ADAMTSL1: variants seen among roughly 807,000 people sequenced by gnomAD.
ADAMTSL1 encodes the protein ADAMTS-like protein 1.
In ADAMTSL1, 126 loss-of-function variants were observed where a neutral mutation model predicts 201.8. That is an observed-to-expected ratio of 0.62 (90% CI 0.54 to 0.72). The LOEUF (loss-of-function observed/expected upper bound fraction) is 0.72, where lower values mean the gene tolerates loss of function less well. Ranked by LOEUF, ADAMTSL1 falls within the 30% of genes least tolerant of loss-of-function variation. The probability of loss-of-function intolerance (pLI) is 0.00; values close to 1 mark genes in which losing one functional copy is unlikely to be tolerated. For missense variants in ADAMTSL1, 2,679 were observed against 2,277.8 expected (o/e 1.18, Z -3.59); for synonymous variants, 1,121 against 903.4 (o/e 1.24, Z -4.32).
chr9:17,977,621 A>G (rs1307593842), intron 1 of ADAMTSL1, among the ~76,000 whole-genome samples: 10 of 151,850 alleles, frequency 6.6e-5, no homozygotes, highest in African/African-American at 2.2e-4. Flanking sequence ...GATTCTTTGT[A>G]TTTTTATGAT....
intron 2 of ADAMTSL1, among the ~76,000 whole-genome samples, chr9:18,431,626 C>T (rs925402715): frequency 2.0e-5 from 3 of 152,080 alleles, no homozygotes; most frequent in African/African-American, 7.2e-5. Flanking sequence ...AGATGGTCAC[C>T]CAGCCTCTGC....
In ADAMTSL1 at chr9:18,893,336, C is replaced by CA. The variant is rs545466083; in HGVS notation, c.4851+742dup. Among the ~76,000 whole-genome samples the CA allele has an allele frequency of 3.8e-3, 573 of 152,248 alleles. 8 individuals are homozygous for CA. The highest frequency in any genetic ancestry group is 0.013 in the African/African-American group (540 of 41,544). Reference sequence around the variant, plus strand: ...GACAGATGTTTCTGCACTGTGTCATCAAGGTCACTCAAGGAGGGACGTATG... The same window carrying CA: ...GACAGATGTTTCTGCACTGTGTCATCAAAGGTCACTCAAGGAGGGACGTATG... On this transcript the variant is annotated intron_variant, in intron 26 of 28. Coordinates refer to ENST00000380548, the MANE Select transcript of ADAMTSL1 (RefSeq NM_001040272.6).
At chr9:18,831,808 A>G (rs374334782) in intron 23 of ADAMTSL1, among the ~76,000 whole-genome samples, 9 of 152,320 alleles carry the variant, frequency 5.9e-5, no homozygotes, top group African/African-American at 1.9e-4. Context: ...CGCCAGCACT[A>G]TAGAACTAGG....
chr9:17,934,272 G>A (rs532421523), intron 1 of ADAMTSL1, among the ~76,000 whole-genome samples: 2 of 152,168 alleles, frequency 1.3e-5, no homozygotes, highest in African/African-American at 4.8e-5. Flanking sequence ...TACTCTCTAA[G>A]CTTTATTCCT....
rs201308391 is a variant in ADAMTSL1 at position 18,657,642 on chromosome 9, C to G, written c.838C>G (p.Arg280Gly). The G allele has an allele frequency of 3.1e-6, 5 of 1,613,408 alleles. No homozygotes were observed. The African/African-American group carries it at 6.7e-5, about 22-fold the overall frequency. Residue 280 changes from arginine to glycine, a missense_variant, in exon 8 of 29, where the codon CGT becomes GGT. Transcript: ENST00000380548. ...ACTTTCCTGTTGACTCCTGCAGATTCGTAACTCGGGCTCCGCTGACAGTAC... is the reference window on the plus strand; with the variant it reads ...ACTTTCCTGTTGACTCCTGCAGATTGGTAACTCGGGCTCCGCTGACAGTAC... ...PLTADFIVKI[R>G]NSGSADSTVQ...
chr9:17,950,899 A>G (rs912491607), intron 1 of ADAMTSL1, among the ~76,000 whole-genome samples: 1 of 152,120 alleles, frequency 6.6e-6, no homozygotes, highest in South Asian at 2.1e-4. Flanking sequence ...CAGGCAAGCA[A>G]CAGTACACCT....
intron 2 of ADAMTSL1, among the ~76,000 whole-genome samples, chr9:18,318,785 C>G (rs771770870): frequency 1.1e-4 from 17 of 152,022 alleles, no homozygotes; most frequent in Non-Finnish European, 1.6e-4. Flanking sequence ...TTCAGCAAGT[C>G]TAACGGCTGA....
intron 1 of ADAMTSL1, among the ~76,000 whole-genome samples, chr9:18,476,899 C>T (rs1395516972): frequency 6.6e-6 from 1 of 152,072 alleles, no homozygotes; most frequent in Non-Finnish European, 1.5e-5. Flanking sequence ...GGTTGTTCAG[C>T]CTTCATTCTG....
At chr9:18,634,043 G>C (rs529144199) in intron 5 of ADAMTSL1, among the ~76,000 whole-genome samples, 2 of 152,124 alleles carry the variant, frequency 1.3e-5, no homozygotes, top group Admixed American at 6.5e-5. Flanking sequence ...TTTATATCTA[G>C]TCACGACAAT....
At chr9:18,088,191 T>C (rs1183498119) in intron 1 of ADAMTSL1, among the ~76,000 whole-genome samples, 1 of 152,148 alleles carries the variant, frequency 6.6e-6, no homozygotes, top group African/African-American at 2.4e-5. Flanking sequence ...CAAGTGGATA[T>C]TTATATGCAA....
At chr9:18,699,604 A>G (rs1411306364) in intron 13 of ADAMTSL1, among the ~76,000 whole-genome samples, 1 of 152,178 alleles carries the variant, frequency 6.6e-6, no homozygotes, top group Non-Finnish European at 1.5e-5. Flanking sequence ...TGCTGGGATT[A>G]CAAGTGTGAG....
chr9:18,252,003 T>A (rs1328798591), intron 2 of ADAMTSL1, among the ~76,000 whole-genome samples: 1 of 151,776 alleles, frequency 6.6e-6, no homozygotes, highest in Admixed American at 6.6e-5. Context: ...ATATAAAATA[T>A]GAAATTAAAG....
intron 2 of ADAMTSL1, among the ~76,000 whole-genome samples, chr9:18,422,480 C>A (rs12339778): frequency 0.012 from 1,877 of 152,140 alleles, 45 homozygotes; most frequent in African/African-American, 0.043. Flanking sequence ...TTTTTTTGAA[C>A]CAGCATTGGG....
intron 2 of ADAMTSL1, among the ~76,000 whole-genome samples, chr9:18,279,354 T>C (rs1832699533): frequency 6.6e-6 from 1 of 152,104 alleles, no homozygotes; most frequent in Admixed American, 6.5e-5. Context: ...AGAGTTAAAA[T>C]GTGTTGTTCA....
At chr9:18,783,283 C>G (rs10963757) in intron 19 of ADAMTSL1, among the ~76,000 whole-genome samples, 5,479 of 152,278 alleles carry the variant, frequency 0.036, 275 homozygotes, top group East Asian at 0.26. Context: ...TGGTAGAATA[C>G]TTCTCTTTTA....
intron 26 of ADAMTSL1, among the ~76,000 whole-genome samples, chr9:18,899,030 C>T (rs1205129700): frequency 6.6e-6 from 1 of 152,134 alleles, no homozygotes; most frequent in Non-Finnish European, 1.5e-5. Flanking sequence ...GATGATATGA[C>T]CCTTTATCTA....
rs766448560 is a variant in ADAMTSL1, at chr9:18,887,887, C to T, written c.4306C>T (p.Pro1436Ser). The T allele has an allele frequency of 1.2e-6, 2 of 1,613,948 alleles. No homozygotes were observed. Among genetic ancestry groups the T allele is most frequent in the South Asian group, 1.1e-5 (1 of 91,050 alleles). Reference sequence around the variant, plus strand: ...TATCACCTGGTTTCATGGTGGTCAGCCAATTGTCACTGCCACAGGACTGAC... The same window carrying T: ...TATCACCTGGTTTCATGGTGGTCAGTCAATTGTCACTGCCACAGGACTGAC... Reference protein sequence around the residue: ...PNITWFHGGQPIVTATGLTHH... With the variant: ...PNITWFHGGQSIVTATGLTHH... The change falls in exon 24 of 29, where the codon CCA becomes TCA. Residue 1436 changes from proline to serine, a missense_variant. By Grantham distance (74) the Pro-to-Ser change is moderately conservative. Transcript: ENST00000380548.
intron 2 of ADAMTSL1, among the ~76,000 whole-genome samples, chr9:18,517,724 C>A (rs1818449024): frequency 1.3e-5 from 2 of 152,092 alleles, no homozygotes; most frequent in South Asian, 2.1e-4. Flanking sequence ...CAATTTCATC[C>A]ATGTCCCTAT....
intron 2 of ADAMTSL1, among the ~76,000 whole-genome samples, chr9:18,333,917 A>T (rs1835129486): frequency 6.6e-6 from 1 of 152,140 alleles, no homozygotes; most frequent in African/African-American, 2.4e-5. Flanking sequence ...CAGGATATAT[A>T]CAGGGTCTGT....
Sources: allele counts gnomAD v4.1 joint callset (sites outside exome capture counted in the v4.1 genomes callset), GRCh38; gene constraint gnomAD v4.1.1; transcripts MANE v1.5; gene names NCBI Gene and HGNC (gene_info 2026-07-23, HGNC 2026-07-21).